NRXN1: variants seen among roughly 807,000 people sequenced by gnomAD.
NRXN1 encodes the protein neurexin-1.
A neutral mutation model predicts 150.9 loss-of-function variants in NRXN1; 39 were observed. The ratio of observed to expected loss-of-function variants is 0.26; its 90% confidence interval spans 0.20 to 0.34. The LOEUF (loss-of-function observed/expected upper bound fraction) is 0.34. Ranked by LOEUF, NRXN1 falls within the 10% of genes least tolerant of loss-of-function variation. The pLI, the probability that NRXN1 is intolerant of heterozygous loss-of-function variation, is 1.00. For missense variants in NRXN1, 1,815 were observed against 1,949.9 expected, an observed-to-expected ratio of 0.93 and a Z score of 1.30; for synonymous variants, 924 against 757.0, an observed-to-expected ratio of 1.22 and a Z score of -3.62.
At chr2:50,809,294 C>T (rs912647496) in intron 5 of NRXN1, among the ~76,000 whole-genome samples, 13 of 152,000 alleles carry the variant, frequency 8.6e-5, no homozygotes, top group Admixed American at 6.6e-4. Flanking sequence ...TGATGTCTAC[C>T]GAAGGTCCCT....
chr2:50,694,541 C>T (rs530561437), intron 5 of NRXN1, among the ~76,000 whole-genome samples: 2 of 152,236 alleles, frequency 1.3e-5, no homozygotes, highest in East Asian at 1.9e-4. Context: ...TGAGGATTGT[C>T]CATTCAAGGT....
At chr2:50,188,740 T>C (rs574106229) in intron 18 of NRXN1, among the ~76,000 whole-genome samples, 1 of 152,136 alleles carries the variant, frequency 6.6e-6, no homozygotes, top group South Asian at 2.1e-4. Context: ...AGAAGGTATT[T>C]ATGTGGCCAA....
intron 13 of NRXN1, among the ~76,000 whole-genome samples, chr2:50,501,645 A>T (rs1166623792): frequency 1.4e-5 from 1 of 70,336 alleles, no homozygotes; most frequent in Non-Finnish European, 4.1e-5. Context: ...ACACAGATTA[A>T]AAAAAAAAAA....
intron 18 of NRXN1, among the ~76,000 whole-genome samples, chr2:50,167,745 G>C (rs1197681018): frequency 1.3e-5 from 2 of 152,060 alleles, no homozygotes. Context: ...TTGATGCCTA[G>C]TTTCTATGCC....
chr2:50,234,901 C>T (rs1440211804), intron 18 of NRXN1, among the ~76,000 whole-genome samples: 2 of 151,888 alleles, frequency 1.3e-5, no homozygotes, highest in Non-Finnish European at 1.5e-5. Context: ...GAATGGACGC[C>T]GAGAAAGTCA....
chr2:50,272,722 C>G (rs1428200392), intron 17 of NRXN1, among the ~76,000 whole-genome samples: 1 of 152,028 alleles, frequency 6.6e-6, no homozygotes. Flanking sequence ...AAGTGATAAT[C>G]TCCCCAAAAG....
intron 18 of NRXN1, among the ~76,000 whole-genome samples, chr2:50,102,569 TAA>T (rs1244082129): frequency 6.6e-6 from 1 of 152,050 alleles, no homozygotes; most frequent in Non-Finnish European, 1.5e-5. Context: ...TTATGAAGCT[TAA>T]GTCTCACATT....
chr2:50,851,027 C>G (rs1159873641), intron 5 of NRXN1, among the ~76,000 whole-genome samples: 4 of 152,028 alleles, frequency 2.6e-5, no homozygotes, highest in Non-Finnish European at 5.9e-5. Flanking sequence ...TTTCTAATTC[C>G]TAGGGTTCAA....
intron 17 of NRXN1, among the ~76,000 whole-genome samples, chr2:50,376,717 C>T (rs544418655): frequency 6.6e-6 from 1 of 152,230 alleles, no homozygotes; most frequent in East Asian, 1.9e-4. Flanking sequence ...CTGATCATGT[C>T]ATTAGGCAGA....
intron 18 of NRXN1, among the ~76,000 whole-genome samples, chr2:50,148,496 C>T (rs1169124617): frequency 6.6e-6 from 1 of 151,604 alleles, no homozygotes; most frequent in Non-Finnish European, 1.5e-5. Flanking sequence ...AAACAAATTG[C>T]TCATGTCATC....
chr2:50,620,839 G>A (rs1000538359), intron 7 of NRXN1: 4 of 224,958 alleles, frequency 1.8e-5, no homozygotes, highest in African/African-American at 9.1e-5. Flanking sequence ...ATGACGTAAA[G>A]ATGAGTGGGT....
chr2:50,113,059 T>A (rs983302437), intron 18 of NRXN1, among the ~76,000 whole-genome samples: 1 of 152,158 alleles, frequency 6.6e-6, no homozygotes, highest in African/African-American at 2.4e-5. Context: ...AAATGTGACC[T>A]CTTCTTCTGA....
intron 3 of NRXN1, among the ~76,000 whole-genome samples, chr2:50,924,269 C>T (rs945066370): frequency 4.6e-5 from 7 of 151,692 alleles, no homozygotes; most frequent in African/African-American, 1.4e-4. Context: ...CACATTCTTC[C>T]TGCTAGACTT....
intron 21 of NRXN1, among the ~76,000 whole-genome samples, chr2:50,003,900 C>T (rs1684341669): frequency 6.6e-6 from 1 of 152,032 alleles, no homozygotes; most frequent in Admixed American, 6.6e-5. Flanking sequence ...ATTTTCCTTC[C>T]CCTTGACTTA....
chr2:50,361,543 C>T (rs1175220466), intron 17 of NRXN1, among the ~76,000 whole-genome samples: 2 of 152,122 alleles, frequency 1.3e-5, no homozygotes, highest in South Asian at 4.1e-4. Flanking sequence ...GATATATACA[C>T]CCTCCGAAGA....
chr2:51,013,884 T>C (rs1163279196), intron 2 of NRXN1, among the ~76,000 whole-genome samples: 2 of 152,094 alleles, frequency 1.3e-5, no homozygotes, highest in Non-Finnish European at 2.9e-5. Flanking sequence ...CCAAATTCTT[T>C]TTTCTGTTTG....
chr2:49,937,479 C>T (rs1443808036), intron 22 of NRXN1, among the ~76,000 whole-genome samples: 1 of 152,180 alleles, frequency 6.6e-6, no homozygotes, highest in African/African-American at 2.4e-5. Context: ...TAAATCTCTT[C>T]TACTTTAACC....
intron 19 of NRXN1, among the ~76,000 whole-genome samples, chr2:50,060,948 A>C (rs765022534): frequency 6.6e-6 from 1 of 152,202 alleles, no homozygotes; most frequent in Non-Finnish European, 1.5e-5. Flanking sequence ...ATCTAAATAA[A>C]GTACAGCGAC....
intron 2 of NRXN1, among the ~76,000 whole-genome samples, chr2:51,011,729 T>C (rs777527501): frequency 5.9e-5 from 9 of 152,048 alleles, no homozygotes; most frequent in African/African-American, 1.9e-4. Context: ...CCAATTTATA[T>C]ACAAGTGCTT....
Sources: allele counts gnomAD v4.1 joint callset (sites outside exome capture counted in the v4.1 genomes callset), GRCh38; gene constraint gnomAD v4.1.1; transcripts MANE v1.5; gene names NCBI Gene and HGNC (gene_info 2026-07-23, HGNC 2026-07-21).